TMTC2: variants seen among roughly 807,000 people sequenced by gnomAD.
The protein encoded by TMTC2 is protein O-mannosyl-transferase TMTC2.
Under a neutral mutation model 82.4 loss-of-function variants are expected in TMTC2, and 43 were observed. The ratio of observed to expected loss-of-function variants is 0.52; its 90% confidence interval spans 0.41 to 0.67. The LOEUF (loss-of-function observed/expected upper bound fraction) is 0.67, where lower values mean the gene tolerates loss of function less well. Among genes scored for constraint, TMTC2 ranks in the 30% least tolerant of loss-of-function variants. TMTC2 has a pLI of 0.00. For missense variants in TMTC2, 919 were observed against 1,012.4 expected, an observed-to-expected ratio of 0.91 and a Z score of 1.25; for synonymous variants, 408 against 381.9, an observed-to-expected ratio of 1.07 and a Z score of -0.80.
chr12:82,760,607 G>A (rs1243368135), intron 1 of TMTC2, among the ~76,000 whole-genome samples: 1 of 151,636 alleles, frequency 6.6e-6, no homozygotes, highest in Non-Finnish European at 1.5e-5. Flanking sequence ...TCATGGACCA[G>A]TATGGGTCCA....
chr12:82,747,960 A>G (rs1266193097), intron 1 of TMTC2, among the ~76,000 whole-genome samples: 1 of 152,242 alleles, frequency 6.6e-6, no homozygotes, highest in Non-Finnish European at 1.5e-5. Flanking sequence ...GGTGTTAAGT[A>G]TTAAGTTGGA....
chr12:83,112,310 C>T (rs1161725481), intron 11 of TMTC2, among the ~76,000 whole-genome samples: 2 of 152,180 alleles, frequency 1.3e-5, no homozygotes, highest in South Asian at 2.1e-4. Flanking sequence ...AGACTAGCCA[C>T]GTGCATCCCC....
At chr12:82,911,782 G>A (rs1265326250) in intron 3 of TMTC2, among the ~76,000 whole-genome samples, 7 of 151,884 alleles carry the variant, frequency 4.6e-5, no homozygotes, top group Non-Finnish European at 1.0e-4. Context: ...GCTAAGTTTT[G>A]TATTTTTAGT....
Position 83,107,838 on chromosome 12 carries a change from G to A in TMTC2, c.2332-24372G>A, listed in dbSNP as rs527445626. Reference sequence around the variant, plus strand: ...CGCTGAATTTTGAAGTTTAGTCTTTGATATAATTTGGATTGGTGTCCCTGC... The same window carrying A: ...CGCTGAATTTTGAAGTTTAGTCTTTAATATAATTTGGATTGGTGTCCCTGC... On this transcript the variant is annotated intron_variant, in intron 11 of 11. Transcript: ENST00000321196. Among the ~76,000 whole-genome samples, 3 of 152,216 alleles carry A rather than the reference G, an allele frequency of 2.0e-5. No individual in the cohort carries two copies. In the South Asian group the frequency reaches 6.2e-4, roughly 32 times the overall value.
chr12:82,935,466 C>A (rs187377329), intron 4 of TMTC2, among the ~76,000 whole-genome samples: 1 of 152,198 alleles, frequency 6.6e-6, no homozygotes, highest in East Asian at 1.9e-4. Context: ...ATGTATAATA[C>A]ATTTTCAGAG....
At chr12:82,951,331 G>T (rs917081868) in intron 4 of TMTC2, among the ~76,000 whole-genome samples, 2 of 151,472 alleles carry the variant, frequency 1.3e-5, no homozygotes, top group African/African-American at 2.4e-5. Flanking sequence ...TCGCTCTGTC[G>T]CTAGGCTGGA....
At chr12:82,763,953 G>A (rs1177609205) in intron 1 of TMTC2, among the ~76,000 whole-genome samples, 1 of 151,954 alleles carries the variant, frequency 6.6e-6, no homozygotes, top group East Asian at 1.9e-4. Flanking sequence ...CATGAATACA[G>A]GTACAAAAAT....
At position 82,739,347 on chromosome 12, in the gene TMTC2, G is replaced by C. The variant is rs151153404; in HGVS notation, c.83+51678G>C. On this transcript the variant is annotated intron_variant, in intron 1 of 11. Transcript: ENST00000321196. Reference sequence around the variant, plus strand: ...GATTTTCCAGCATCTTTGTGAGCAGGTGTGGCCATATGATTTAGTTCTGGG... The same window carrying C: ...GATTTTCCAGCATCTTTGTGAGCAGCTGTGGCCATATGATTTAGTTCTGGG... Among the ~76,000 whole-genome samples the C allele has an allele frequency of 8.5e-5, 13 of 152,170 alleles. No individual in the cohort carries two copies. In the East Asian group the frequency reaches 2.3e-3, roughly 27 times the overall value.
intron 11 of TMTC2, among the ~76,000 whole-genome samples, chr12:83,087,011 T>C (rs2403057): frequency 0.2 from 30,176 of 152,154 alleles, 3,929 homozygotes; most frequent in African/African-American, 0.36. Context: ...GCAATGCTGT[T>C]TGATAGCATT....
chr12:83,003,135 C>A (rs969097290), intron 8 of TMTC2, among the ~76,000 whole-genome samples: 3 of 152,048 alleles, frequency 2.0e-5, no homozygotes, highest in Non-Finnish European at 4.4e-5. Flanking sequence ...ATAGTTAAGT[C>A]TTTTTGTTGA....
chr12:83,109,730 C>T lies in TMTC2; in HGVS notation c.2332-22480C>T, dbSNP rs1047443214. On this transcript the variant is annotated intron_variant, in intron 11 of 11. Transcript: ENST00000321196. ...TCCATCATTATAATTGCTCTCTTACCTATATAACCTCTACTCCTTTGCCTC... is the reference window on the plus strand; with the variant it reads ...TCCATCATTATAATTGCTCTCTTACTTATATAACCTCTACTCCTTTGCCTC... Among the ~76,000 whole-genome samples the T allele has an allele frequency of 2.6e-5, 4 of 152,158 alleles. No homozygotes were observed. The East Asian group carries it at 5.8e-4, about 22-fold the overall frequency.
At chr12:82,725,921 A>G (rs1010896336) in intron 1 of TMTC2, among the ~76,000 whole-genome samples, 1 of 152,150 alleles carries the variant, frequency 6.6e-6, no homozygotes, top group African/African-American at 2.4e-5. Context: ...AGAGGTGACA[A>G]ATGTTTCCCT....
chr12:83,107,893 G>T (rs1416138833), intron 11 of TMTC2, among the ~76,000 whole-genome samples: 1 of 152,122 alleles, frequency 6.6e-6, no homozygotes, highest in African/African-American at 2.4e-5. Flanking sequence ...GGAATTCCCA[G>T]TGTTAGAGGA....
intron 1 of TMTC2, among the ~76,000 whole-genome samples, chr12:82,705,707 G>A (rs2136905150): frequency 6.6e-6 from 1 of 152,274 alleles, no homozygotes; most frequent in Admixed American, 6.5e-5. Flanking sequence ...GCATCAGTGT[G>A]GGATGCCTTC....
At chr12:82,863,175 A>G (rs77868389) in intron 2 of TMTC2, among the ~76,000 whole-genome samples, 1,723 of 151,924 alleles carry the variant, frequency 0.011, 34 homozygotes, top group African/African-American at 0.039. Context: ...CCCAATATCA[A>G]TTGCATTGAA....
At chr12:83,045,525 A>C (rs148248247) in intron 9 of TMTC2, among the ~76,000 whole-genome samples, 73 of 152,286 alleles carry the variant, frequency 4.8e-4, no homozygotes, top group Admixed American at 1.6e-3. Context: ...GTGAAGGATA[A>C]AACTTTTACC....
chr12:82,718,307 A>C (rs918153700), intron 1 of TMTC2, among the ~76,000 whole-genome samples: 5 of 152,234 alleles, frequency 3.3e-5, no homozygotes, highest in Non-Finnish European at 5.9e-5. Context: ...GGTATTGTGG[A>C]AGTTGCAAAA....
In TMTC2 at chr12:82,912,509, C is replaced by A. The variant is rs137971714; in HGVS notation, c.1483+15863C>A. On this transcript the variant is annotated intron_variant, in intron 3 of 11. Transcript: ENST00000321196. ...GGTCTAAGATATTTTGAAATGTTTT[C>A]CTTTTTCACCAAGTCAGTTGACTTA... is the stretch of plus-strand genomic sequence containing the variant. Among the ~76,000 whole-genome samples, 368 of 152,256 alleles carry A rather than the reference C, an allele frequency of 2.4e-3. 3 individuals carry two copies. Among genetic ancestry groups the A allele is most frequent in the African/African-American group, 8.4e-3 (348 of 41,530 alleles).
At chr12:82,729,906 C>T (rs1874685208) in intron 1 of TMTC2, among the ~76,000 whole-genome samples, 2 of 152,114 alleles carry the variant, frequency 1.3e-5, no homozygotes, top group Non-Finnish European at 2.9e-5. Context: ...AGACCACGAA[C>T]CCACTGGGAG....
Sources: allele counts gnomAD v4.1 joint callset (sites outside exome capture counted in the v4.1 genomes callset), GRCh38; gene constraint gnomAD v4.1.1; transcripts MANE v1.5; gene names NCBI Gene and HGNC (gene_info 2026-07-23, HGNC 2026-07-21).